The following SLC1A1 variants were observed in gnomAD, a reference collection of about 807,000 sequenced individuals.
The protein encoded by SLC1A1 is excitatory amino acid transporter 3.
A neutral mutation model predicts 53.3 loss-of-function variants in SLC1A1; 43 were observed. That is an observed-to-expected ratio of 0.81 (90% CI 0.63 to 1.04). The LOEUF (loss-of-function observed/expected upper bound fraction) is 1.04, where lower values mean the gene tolerates loss of function less well. Ranked by LOEUF, SLC1A1 falls within the 50% of genes least tolerant of loss-of-function variation. The pLI, the probability that SLC1A1 is intolerant of heterozygous loss-of-function variation, is 0.00. For missense variants in SLC1A1, 748 were observed against 664.9 expected (o/e 1.12, Z -1.37); for synonymous variants, 307 against 243.2 (o/e 1.26, Z -2.44).
intron 2 of SLC1A1, among the ~76,000 whole-genome samples, chr9:4,547,393 C>T (rs980404042): frequency 1.3e-5 from 2 of 152,198 alleles, no homozygotes; most frequent in Non-Finnish European, 2.9e-5. Flanking sequence ...GCGAGCAAAA[C>T]CACCACCCCA....
intron 2 of SLC1A1, among the ~76,000 whole-genome samples, chr9:4,550,989 AC>A (rs1010845379): frequency 2.6e-4 from 39 of 152,152 alleles, no homozygotes; most frequent in African/African-American, 9.4e-4. Flanking sequence ...CCAGGAGCTG[AC>A]CCCTGCCCAG....
chr9:4,508,784 G>A (rs931503722), intron 1 of SLC1A1, among the ~76,000 whole-genome samples: 1 of 152,178 alleles, frequency 6.6e-6, no homozygotes, highest in Admixed American at 6.5e-5. Flanking sequence ...GGCTTCCTGG[G>A]CATGTGCATT....
At chr9:4,531,078 G>C (rs1166012998) in intron 1 of SLC1A1, among the ~76,000 whole-genome samples, 2 of 152,212 alleles carry the variant, frequency 1.3e-5, no homozygotes, top group African/African-American at 4.8e-5. Context: ...ATTTGGGGTG[G>C]AGCCAAGATG....
rs190921050 is a variant in SLC1A1 at position 4,501,427 on chromosome 9, T to C, written c.91+10657T>C. Among the ~76,000 whole-genome samples the C allele has an allele frequency of 9.9e-5, 15 of 151,742 alleles. No homozygotes were observed. In the East Asian group the frequency reaches 2.3e-3, roughly 23 times the overall value. On this transcript the variant is annotated intron_variant, in intron 1 of 11. Transcript: ENST00000262352. ...ATGGTGTGTTTATTCTTATAATCTC[T>C]CTGAGACAACTATTTGGGTATAACA...
Position 4,535,986 on chromosome 9 carries a change from G to T in SLC1A1, c.92-8581G>T, listed in dbSNP as rs561342642. ...TAAATGGTGCTGGGAAAACTGGCTA[G>T]CCATATGTAGAAAGCTGAAACTGGA... On this transcript the variant is annotated intron_variant, in intron 1 of 11. Transcript: ENST00000262352. Among the ~76,000 whole-genome samples the T allele has an allele frequency of 3.5e-3, 535 of 152,260 alleles. 3 individuals carry two copies. Among genetic ancestry groups the T allele is most frequent in the African/African-American group, 0.012 (487 of 41,560 alleles).
chr9:4,499,890 G>C (rs1372991273), intron 1 of SLC1A1, among the ~76,000 whole-genome samples: 1 of 152,246 alleles, frequency 6.6e-6, no homozygotes, highest in Non-Finnish European at 1.5e-5. Context: ...GAAAATTTTT[G>C]TGTGCAAATT....
intron 1 of SLC1A1, among the ~76,000 whole-genome samples, chr9:4,506,017 G>C (rs1459097803): frequency 6.6e-6 from 1 of 152,102 alleles, no homozygotes; most frequent in Non-Finnish European, 1.5e-5. Flanking sequence ...GTAGAGAGGG[G>C]GTTTCACCAT....
At chr9:4,526,039 C>A (rs543769661) in intron 1 of SLC1A1, among the ~76,000 whole-genome samples, 1 of 152,196 alleles carries the variant, frequency 6.6e-6, no homozygotes, top group South Asian at 2.1e-4. Context: ...AATTCCAGCA[C>A]TTTGGGAGGC....
intron 2 of SLC1A1, among the ~76,000 whole-genome samples, chr9:4,559,206 C>G (rs1176989335): frequency 1.3e-5 from 2 of 152,180 alleles, no homozygotes; most frequent in Non-Finnish European, 1.5e-5. Flanking sequence ...CTCTTCAACA[C>G]AGCAAACTGC....
intron 1 of SLC1A1, among the ~76,000 whole-genome samples, chr9:4,528,991 C>T (rs1010359785): frequency 6.6e-6 from 1 of 152,106 alleles, no homozygotes; most frequent in Non-Finnish European, 1.5e-5. Context: ...AGCTAGAAAA[C>T]AAGAACCCCA....
intron 8 of SLC1A1, 116 bp from the exon 9 acceptor site, chr9:4,575,885 T>A: frequency 8.4e-7 from 1 of 1,184,678 alleles, no homozygotes. Context: ...CCATTTCTTA[T>A]TGGGCCATTA....
intron 1 of SLC1A1, among the ~76,000 whole-genome samples, chr9:4,517,293 AG>A (rs1364372532): frequency 2.0e-5 from 3 of 152,160 alleles, no homozygotes; most frequent in Non-Finnish European, 4.4e-5. Context: ...GTGAATTTCA[AG>A]GGTAGCTCTG....
Position 4,583,247 on chromosome 9 carries a change from T to C in SLC1A1, c.1328+75T>C. On this transcript the variant is annotated intron_variant, in intron 11 of 11. Transcript: ENST00000262352. This position sits in a 1 kb window ranked among gnomAD's most constrained non-coding sequence, Gnocchi z 4.6. The stretch of plus-strand genomic sequence containing the variant: ...CCAGCCTCGCAGGCGCTGCAGTCTG[T>C]CATCATTCTCTCCTCAGATTGCCTA... 4 of 1,577,956 alleles carry C rather than the reference T, an allele frequency of 2.5e-6. No homozygotes were observed. Among genetic ancestry groups the C allele is most frequent in the Non-Finnish European group, 3.5e-6 (4 of 1,148,218 alleles).
At chr9:4,520,153 C>A (rs1432215522) in intron 1 of SLC1A1, among the ~76,000 whole-genome samples, 2 of 152,176 alleles carry the variant, frequency 1.3e-5, no homozygotes, top group African/African-American at 4.8e-5. Context: ...ATAAACATGT[C>A]TGGCTTCATT....
intron 7 of SLC1A1, among the ~76,000 whole-genome samples, chr9:4,573,382 G>A (rs1304329386): frequency 6.6e-6 from 1 of 152,184 alleles, no homozygotes; most frequent in Non-Finnish European, 1.5e-5. Flanking sequence ...CCCAGGGATA[G>A]GAGAAGTACA....
intron 1 of SLC1A1, among the ~76,000 whole-genome samples, chr9:4,527,034 C>A (rs1816286883): frequency 6.6e-6 from 1 of 152,126 alleles, no homozygotes; most frequent in Admixed American, 6.5e-5. Context: ...AAAGTGGAAG[C>A]CCTTAAAGAG....
In SLC1A1 at chr9:4,549,796, G is replaced by A. The variant is rs1350263076; in HGVS notation, c.232+5089G>A. On this transcript the variant is annotated intron_variant, in intron 2 of 11. Transcript: ENST00000262352. This position sits in a 1 kb window ranked among gnomAD's most constrained non-coding sequence, Gnocchi z 4.1. ...TAGACTCCATACCATAGTACCTGCT[G>A]GGTTATTGCAACCACCCTGCTTGTA... is the stretch of plus-strand genomic sequence containing the variant. 2.6e-5 allele frequency among the ~76,000 whole-genome samples: 4 copies of A among 152,126 alleles called. No individual in the cohort carries two copies. In the East Asian group the frequency reaches 7.7e-4, roughly 29 times the overall value.
Position 4,573,983 on chromosome 9 carries a change from C to G in SLC1A1, c.844C>G (p.Leu282Val), listed in dbSNP as rs1820313196. Residue 282 changes from leucine (L) to valine (V), a missense_variant, in exon 8 of 12, where the codon CTG becomes GTG. Physicochemically the swap from Leu to Val is conservative, Grantham distance 32. Transcript: ENST00000262352. Reference protein sequence around the residue: ...EVEDWEIFRKLGLYMATVLTG... With the variant: ...EVEDWEIFRKVGLYMATVLTG... ...TGAAGACTGGGAAATATTCCGCAAG[C>G]TGGGCCTTTACATGGCCACAGTCCT... is the stretch of plus-strand genomic sequence containing the variant. 6.2e-7 allele frequency: 1 copy of G among 1,613,678 alleles called. No homozygotes were observed. Among genetic ancestry groups the G allele is most frequent in the East Asian group, 2.2e-5 (1 of 44,890 alleles).
At chr9:4,552,876 C>G (rs78629646) in intron 2 of SLC1A1, among the ~76,000 whole-genome samples, 7,296 of 151,838 alleles carry the variant, frequency 0.048, 246 homozygotes, top group Non-Finnish European at 0.075. Flanking sequence ...AGTACCTGAA[C>G]TGGCAGCAGA....
Sources: gnomAD v4.1 joint callset for allele counts (sites outside exome capture counted in the v4.1 genomes callset) on GRCh38, gnomAD v4.1.1 for gene constraint, Gnocchi (gnomAD v3.1) non-coding constraint, MANE v1.5 for transcripts, NCBI Gene and HGNC (gene_info 2026-07-23, HGNC 2026-07-21) for gene names.